Variants in CSMD1 observed in about 807,000 individuals in gnomAD.
CSMD1 encodes CUB and Sushi multiple domains 1.
In CSMD1, 213 loss-of-function variants were observed where a neutral mutation model predicts 417.5. The ratio of observed to expected loss-of-function variants is 0.51; its 90% CI spans 0.46 to 0.57. The LOEUF (loss-of-function observed/expected upper bound fraction) is 0.57. Ranked by LOEUF, CSMD1 falls within the 20% of genes least tolerant of loss-of-function variation. The pLI, the probability that CSMD1 is intolerant of heterozygous loss-of-function variation, is 0.00. For missense variants in CSMD1, 6,923 were observed against 4,529.7 expected (o/e 1.53, Z -15.17); for synonymous variants, 2,862 against 1,736.8 (o/e 1.65, Z -16.11).
intron 1 of CSMD1, among the ~76,000 whole-genome samples, chr8:4,734,626 T>C (rs1355867182): frequency 6.6e-6 from 1 of 152,236 alleles, no homozygotes; most frequent in Non-Finnish European, 1.5e-5. Context: ...ATTATATTTT[T>C]AGGTACTGGA....
intron 3 of CSMD1, among the ~76,000 whole-genome samples, chr8:4,087,006 A>G (rs1800455380): frequency 6.6e-6 from 1 of 152,216 alleles, no homozygotes; most frequent in African/African-American, 2.4e-5. Flanking sequence ...AATGGGGATA[A>G]CGCTATGTAC....
At chr8:3,572,826 A>G (rs2116929747) in intron 10 of CSMD1, among the ~76,000 whole-genome samples, 1 of 152,172 alleles carries the variant, frequency 6.6e-6, no homozygotes, top group East Asian at 1.9e-4. Flanking sequence ...TAGCCCCCAA[A>G]CAAACTCAAT....
At chr8:4,394,922 C>G (rs529838178) in intron 3 of CSMD1, among the ~76,000 whole-genome samples, 2 of 152,284 alleles carry the variant, frequency 1.3e-5, no homozygotes, top group South Asian at 2.1e-4. Context: ...AGCAGGTGCA[C>G]TGAATCTCAA....
At chr8:4,491,475 A>C (rs1217463335) in intron 2 of CSMD1, among the ~76,000 whole-genome samples, 1 of 152,146 alleles carries the variant, frequency 6.6e-6, no homozygotes, top group East Asian at 1.9e-4. Flanking sequence ...ACAGCTATGG[A>C]CTTTTGTTGG....
chr8:4,508,085 A>G (rs1420559570), intron 2 of CSMD1, among the ~76,000 whole-genome samples: 4 of 126,370 alleles, frequency 3.2e-5, no homozygotes, highest in African/African-American at 9.1e-5. Context: ...TAGAAAAAAA[A>G]TACCAAAAAA....
At chr8:3,376,403 T>G (rs1052647167) in intron 18 of CSMD1, among the ~76,000 whole-genome samples, 1 of 152,030 alleles carries the variant, frequency 6.6e-6, no homozygotes, top group African/African-American at 2.4e-5. Context: ...GACTTGTTTT[T>G]AAAGCTTTCT....
At chr8:3,638,016 T>G (rs756554675) in intron 7 of CSMD1, among the ~76,000 whole-genome samples, 5 of 152,188 alleles carry the variant, frequency 3.3e-5, no homozygotes, top group Non-Finnish European at 5.9e-5. Context: ...TTAAACCTAT[T>G]TTTCATTATA....
intron 4 of CSMD1, among the ~76,000 whole-genome samples, chr8:4,024,200 AG>A (rs1349989516): frequency 1.3e-5 from 2 of 152,214 alleles, no homozygotes; most frequent in African/African-American, 4.8e-5. Context: ...ACAGATAGTA[AG>A]AAGACATGGG....
intron 26 of CSMD1, among the ~76,000 whole-genome samples, chr8:3,255,231 G>C (rs368843950): frequency 6.6e-6 from 1 of 152,198 alleles, no homozygotes; most frequent in Non-Finnish European, 1.5e-5. Flanking sequence ...TCCTCTGGAA[G>C]TTTTTCTCAG....
intron 6 of CSMD1, among the ~76,000 whole-genome samples, chr8:3,714,652 G>A (rs1318996453): frequency 6.6e-6 from 1 of 151,346 alleles, no homozygotes; most frequent in Admixed American, 6.6e-5. Context: ...AACTAGAATT[G>A]CTTGAACCCC....
chr8:3,030,176 T>C lies in CSMD1; in HGVS notation c.7661-663A>G, dbSNP rs555262885. Reference sequence around the variant, plus strand: ...ATAGTGACAGCAACAGTAGTAGCAGTAGTAGTATACTATTACCAGGGTGGA... The same window carrying C: ...ATAGTGACAGCAACAGTAGTAGCAGCAGTAGTATACTATTACCAGGGTGGA... On this transcript the variant is annotated intron_variant, in intron 50 of 69. Coordinates refer to ENST00000635120, the MANE Select transcript of CSMD1 (RefSeq NM_033225.6). Among the ~76,000 whole-genome samples, 20 of 152,192 alleles carry C rather than the reference T, an allele frequency of 1.3e-4. No individual in the cohort carries two copies. In the South Asian group the frequency reaches 3.9e-3, roughly 30 times the overall value.
At chr8:4,196,288 A>G (rs28404843) in intron 3 of CSMD1, among the ~76,000 whole-genome samples, 4,552 of 152,302 alleles carry the variant, frequency 0.03, 251 homozygotes, top group African/African-American at 0.1. Flanking sequence ...TTGAGTTTAC[A>G]GAGCGCTCAT....
intron 5 of CSMD1, among the ~76,000 whole-genome samples, chr8:3,953,820 C>T: frequency 6.6e-6 from 1 of 152,104 alleles, no homozygotes; most frequent in Non-Finnish European, 1.5e-5. Flanking sequence ...TGAGAGGTCT[C>T]ATTTTCCCTG....
chr8:2,988,870 G>A (rs1377941379), intron 54 of CSMD1, among the ~76,000 whole-genome samples: 1 of 152,174 alleles, frequency 6.6e-6, no homozygotes, highest in East Asian at 1.9e-4. Flanking sequence ...TACCCAGGGT[G>A]AGGTGGATGT....
At chr8:4,456,902 C>G (rs1007309622) in intron 2 of CSMD1, among the ~76,000 whole-genome samples, 2 of 151,170 alleles carry the variant, frequency 1.3e-5, no homozygotes, top group Admixed American at 1.3e-4. Flanking sequence ...GTATTTGAAG[C>G]CAGTTTCCAC....
chr8:3,071,375 G>A (rs1312833717), intron 49 of CSMD1, among the ~76,000 whole-genome samples: 1 of 152,144 alleles, frequency 6.6e-6, no homozygotes, highest in Non-Finnish European at 1.5e-5. Flanking sequence ...AGAGGAGGGA[G>A]AGCATTAGGA....
At chr8:2,988,268 A>T (rs150649239) in intron 54 of CSMD1, among the ~76,000 whole-genome samples, 1 of 152,068 alleles carries the variant, frequency 6.6e-6, no homozygotes, top group East Asian at 1.9e-4. Context: ...ATATTTTCTT[A>T]ATTTTCTTTA....
intron 3 of CSMD1, among the ~76,000 whole-genome samples, chr8:4,190,444 G>A (rs1398362312): frequency 7.9e-5 from 12 of 151,676 alleles, no homozygotes. Context: ...GAATTGCTTA[G>A]AATAATCAGA....
chr8:4,148,073 G>A, intron 3 of CSMD1, among the ~76,000 whole-genome samples: 1 of 152,092 alleles, frequency 6.6e-6, no homozygotes, highest in East Asian at 1.9e-4. Flanking sequence ...GCAGGAGGAA[G>A]ACTTTTCTCT....
Sources: gnomAD v4.1 joint callset for allele counts (sites outside exome capture counted in the v4.1 genomes callset) on GRCh38, gnomAD v4.1.1 for gene constraint, MANE v1.5 for transcripts, NCBI Gene and HGNC (gene_info 2026-07-23, HGNC 2026-07-21) for gene names.